CELSR1: variants seen among roughly 807,000 people sequenced by gnomAD.
CELSR1 encodes cadherin EGF LAG seven-pass G-type receptor 1.
In CELSR1, 110 loss-of-function variants were observed where a neutral mutation model predicts 249.1. The observed-to-expected ratio is 0.44, with a 90% CI of 0.38 to 0.52. CELSR1 has a LOEUF of 0.52. Ranked by LOEUF, CELSR1 falls within the 20% of genes least tolerant of loss-of-function variation. The pLI is 0.00. For synonymous variants in CELSR1, 2,113 were observed against 1,900.0 expected (o/e 1.11, Z -2.92); for missense variants, 4,109 against 4,296.4 (o/e 0.96, Z 1.22).
chr22:46,410,624 G>A lies in CELSR1; in HGVS notation c.4770-63C>T, dbSNP rs1304813770. 5 of 1,564,680 alleles carry A rather than the reference G, an allele frequency of 3.2e-6. No individual in the cohort carries two copies. Among genetic ancestry groups the A allele is most frequent in the Non-Finnish European group, 4.4e-6 (5 of 1,141,656 alleles). Reference sequence around the variant, plus strand: ...GGGAGAGGCGGCCACGGCGGGCTGGGCTCCGCAGTTGCCTCTGTGTAGCCT... The same window carrying A: ...GGGAGAGGCGGCCACGGCGGGCTGGACTCCGCAGTTGCCTCTGTGTAGCCT... On this transcript the variant is annotated intron_variant, in intron 6 of 34. Transcript: ENST00000674500. The surrounding 1 kb of genome is among the most constrained non-coding windows in gnomAD (Gnocchi z 6.8).
chr22:46,368,995 T>TCCTCCAGCCCCCTCCCCTCAGCCAACCC, intron 27 of CELSR1, 184 bp downstream of exon 27: 1 of 383,894 alleles, frequency 2.6e-6, no homozygotes, highest in South Asian at 2.7e-5. Context: ...TCAGCTAACC[T>TCCTCCAGCCCCCTCCCCTCAGCCAACCC]CCCCCAGCCC....
chr22:46,456,351 A>G (rs1341482375), intron 2 of CELSR1, among the ~76,000 whole-genome samples: 1 of 152,222 alleles, frequency 6.6e-6, no homozygotes, highest in Non-Finnish European at 1.5e-5. Flanking sequence ...TGGAAAGCCC[A>G]TGACTCTGAT....
Position 46,440,664 on chromosome 22 carries a change from G to A in CELSR1, c.4184-1253C>T, listed in dbSNP as rs2079734683. ...AGTTTGTCTTTCTGCTGGGTTTTTG[G>A]TCCTGCTCTTATTGTGTTATAGAAG... On this transcript the variant is annotated intron_variant, in intron 2 of 34. Coordinates refer to ENST00000674500, the MANE Select transcript of CELSR1 (RefSeq NM_001378328.1). The surrounding 1 kb of genome is among the most constrained non-coding windows in gnomAD (Gnocchi z 4.7). 6.6e-6 allele frequency among the ~76,000 whole-genome samples: 1 copy of A among 152,046 alleles called. No homozygotes were observed. The highest frequency in any genetic ancestry group is 2.1e-4 in the South Asian group (1 of 4,816).
At chr22:46,400,147 TG>T (rs1569136132) in intron 9 of CELSR1, among the ~76,000 whole-genome samples, 1 of 151,740 alleles carries the variant, frequency 6.6e-6, no homozygotes, top group Admixed American at 6.6e-5. Flanking sequence ...CTGGCCAACA[TG>T]GTGAAACCCC....
In CELSR1 at chr22:46,391,427, C is replaced by G. The variant is rs1294139866; in HGVS notation, c.6149-140G>C. The G allele has an allele frequency of 4.4e-6, 4 of 905,486 alleles. No individual in the cohort carries two copies. The highest frequency in any genetic ancestry group is 6.6e-6 in the Non-Finnish European group (4 of 608,120). The allele number at this position is 905,486 out of a possible 1,614,324, so 56.1% of individuals were successfully genotyped here. On this transcript the variant is annotated intron_variant, in intron 15 of 34. Transcript: ENST00000674500. The surrounding 1 kb of genome is among the most constrained non-coding windows in gnomAD (Gnocchi z 4.3). Reference sequence around the variant, plus strand: ...CGAACCCTAGCATCTCCCCTGCCCCCATCCATGTCAGAGCTGGAGAGGGGT... The same window carrying G: ...CGAACCCTAGCATCTCCCCTGCCCCGATCCATGTCAGAGCTGGAGAGGGGT...
rs958757734 is a variant in CELSR1, at chr22:46,512,868, A to C, written c.3544+20759T>G. ...CCTTCCGGGTCCGGGCTTGTCCCCC[A>C]CAGCACCTGGCTGTCCTCTGCTCCT... On this transcript the variant is annotated intron_variant, in intron 1 of 34. Coordinates refer to ENST00000674500, the MANE Select transcript of CELSR1 (RefSeq NM_001378328.1). This position sits in a 1 kb window ranked among gnomAD's most constrained non-coding sequence, Gnocchi z 5.2. Among the ~76,000 whole-genome samples, 1 of 152,112 alleles carries C rather than the reference A, an allele frequency of 6.6e-6. No homozygotes were observed. The highest frequency in any genetic ancestry group is 1.5e-5 in the Non-Finnish European group (1 of 68,008).
At position 46,399,438 on chromosome 22, in the gene CELSR1, A is replaced by G. The variant is rs948534378; in HGVS notation, c.5412+279T>C. Among the ~76,000 whole-genome samples, 3 of 152,220 alleles carry G rather than the reference A, an allele frequency of 2.0e-5. No homozygotes were observed. Among genetic ancestry groups the G allele is most frequent in the African/African-American group, 7.2e-5 (3 of 41,450 alleles). On this transcript the variant is annotated intron_variant, in intron 10 of 34. Coordinates refer to ENST00000674500, the MANE Select transcript of CELSR1 (RefSeq NM_001378328.1). This position sits in a 1 kb window ranked among gnomAD's most constrained non-coding sequence, Gnocchi z 5.0. Reference sequence around the variant, plus strand: ...TTGCTCAAGATGGCTTTGCTAAAAGAAACCACTGCTGAAGGCACCAACAGC... The same window carrying G: ...TTGCTCAAGATGGCTTTGCTAAAAGGAACCACTGCTGAAGGCACCAACAGC...
At chr22:46,458,427 C>T (rs918728487) in intron 2 of CELSR1, among the ~76,000 whole-genome samples, 1 of 152,160 alleles carries the variant, frequency 6.6e-6, no homozygotes, top group African/African-American at 2.4e-5. Context: ...GAAGGCCCCA[C>T]CAAGGTGATA....
In CELSR1 at chr22:46,399,953, G is replaced by C. The variant is rs368446396; in HGVS notation, c.5227-51C>G. ...TGATTGGTACAATGACAATGAAAGAGAAAACATTTTGCAGTCACTTAAACA... is the reference window on the plus strand; with the variant it reads ...TGATTGGTACAATGACAATGAAAGACAAAACATTTTGCAGTCACTTAAACA... On this transcript the variant is annotated intron_variant, in intron 9 of 34. Coordinates refer to ENST00000674500, the MANE Select transcript of CELSR1 (RefSeq NM_001378328.1). This position sits in a 1 kb window ranked among gnomAD's most constrained non-coding sequence, Gnocchi z 5.0. 17 of 1,573,958 alleles carry C rather than the reference G, an allele frequency of 1.1e-5. No individual in the cohort carries two copies. The highest frequency in any genetic ancestry group is 2.7e-5 in the African/African-American group (2 of 73,964).
At chr22:46,392,148 C>T (rs895718554) in intron 14 of CELSR1, among the ~76,000 whole-genome samples, 1 of 152,236 alleles carries the variant, frequency 6.6e-6, no homozygotes, top group African/African-American at 2.4e-5. Context: ...AGCCCTTGGG[C>T]GTTTTTTTAA....
At position 46,390,362 on chromosome 22, in the gene CELSR1, G is replaced by A; in HGVS notation, c.6345+30C>T. 6.4e-7 allele frequency: 1 copy of A among 1,560,756 alleles called. No homozygotes were observed. Among genetic ancestry groups the A allele is most frequent in the Non-Finnish European group, 8.8e-7 (1 of 1,137,696 alleles). On this transcript the variant is annotated intron_variant, in intron 17 of 34. Coordinates refer to ENST00000674500, the MANE Select transcript of CELSR1 (RefSeq NM_001378328.1). This position sits in a 1 kb window ranked among gnomAD's most constrained non-coding sequence, Gnocchi z 6.3. ...CATACACGAACACACACGTGCCCCT[G>A]CTGAACACACATCCCCGAGGCGCCC...
intron 1 of CELSR1, among the ~76,000 whole-genome samples, chr22:46,508,609 C>T (rs1339378538): frequency 3.9e-5 from 6 of 152,124 alleles, no homozygotes; most frequent in Admixed American, 2.0e-4. Context: ...ACCCCCTCAC[C>T]GCCTGGGGCG....
rs765545682 is a variant in CELSR1 at position 46,398,533 on chromosome 22, G to A, written c.5517C>T (p.Gly1839=). The change falls in exon 11 of 35, where the codon GGC becomes GGT. Residue 1839 remains glycine (G), a synonymous_variant. Coordinates refer to ENST00000674500, the MANE Select transcript of CELSR1 (RefSeq NM_001378328.1). This position sits in a 1 kb window ranked among gnomAD's most constrained non-coding sequence, Gnocchi z 7.2. ...DKVSVRRGFR[G]CMQGVRMGGT... The stretch of plus-strand genomic sequence containing the variant: ...CACAACCCCCACGCACCTGCATGCA[G>A]CCTCGGAATCCACGGCGCACGGAGA... 2 of 1,605,614 alleles carry A rather than the reference G, an allele frequency of 1.2e-6. No homozygotes were observed. Among genetic ancestry groups the A allele is most frequent in the African/African-American group, 1.3e-5 (1 of 74,750 alleles).
chr22:46,380,677 C>G lies in CELSR1; in HGVS notation c.7256+111G>C, dbSNP rs1170552410. 3.1e-6 allele frequency: 4 copies of G among 1,291,994 alleles called. No homozygotes were observed. The African/African-American group carries it at 5.9e-5, about 19-fold the overall frequency. 80.0% of individuals were successfully genotyped at this position (1,291,994 alleles called of 1,614,324 possible). On this transcript the variant is annotated intron_variant, in intron 22 of 34. Transcript: ENST00000674500. The surrounding 1 kb of genome is among the most constrained non-coding windows in gnomAD (Gnocchi z 5.1). ...CCACGGGGGACTTAAAGGGGAAACA[C>G]AGACCACAAGAGACCGTCCTCTTGG... is the stretch of plus-strand genomic sequence containing the variant.
chr22:46,391,657 C>T lies in CELSR1; in HGVS notation c.6124G>A (p.Glu2042Lys), dbSNP rs367723142. Residue 2042 changes from glutamate to lysine, a missense_variant, in exon 15 of 35, where the codon GAG becomes AAG. Glu to Lys is a moderately conservative substitution (Grantham distance 56). Coordinates refer to ENST00000674500, the MANE Select transcript of CELSR1 (RefSeq NM_001378328.1). The surrounding 1 kb of genome is among the most constrained non-coding windows in gnomAD (Gnocchi z 4.3). ...CCTTCACAGCCGAGCGTGGTGACCT[C>T]GGCAAACGGGTTGTCGCAGCGGTTG... ...QCNRCDNPFAEVTTLGCEVIY... is the reference protein window; with the variant it reads ...QCNRCDNPFAKVTTLGCEVIY... The T allele has an allele frequency of 3.4e-5, 54 of 1,605,650 alleles. No individual in the cohort carries two copies. Among genetic ancestry groups the T allele is most frequent in the South Asian group, 6.6e-5 (6 of 90,404 alleles).
In CELSR1 at chr22:46,408,081, G is replaced by C. The variant is rs9627448; in HGVS notation, c.5226+915C>G. On this transcript the variant is annotated intron_variant, in intron 9 of 34. Coordinates refer to ENST00000674500, the MANE Select transcript of CELSR1 (RefSeq NM_001378328.1). This position sits in a 1 kb window ranked among gnomAD's most constrained non-coding sequence, Gnocchi z 4.6. Reference sequence around the variant, plus strand: ...CTGTTTCTCAAACAAAGTGTCTACGGAGCATGGAAGATGCGAGCAGAAACC... The same window carrying C: ...CTGTTTCTCAAACAAAGTGTCTACGCAGCATGGAAGATGCGAGCAGAAACC... Among the ~76,000 whole-genome samples, 10,022 of 152,298 alleles carry C rather than the reference G, an allele frequency of 0.066. 1,046 individuals are homozygous for C. The highest frequency in any genetic ancestry group is 0.22 in the African/African-American group (9,305 of 41,538).
In CELSR1 at chr22:46,410,030, C is replaced by T; in HGVS notation, c.4934-150G>A. On this transcript the variant is annotated intron_variant, in intron 7 of 34. Transcript: ENST00000674500. This position sits in a 1 kb window ranked among gnomAD's most constrained non-coding sequence, Gnocchi z 6.8. ...TGAACGCCCCTGGCAACGGCAGGAA[C>T]ATGGGAACTAAGAAGGTGCTGAACG... The T allele has an allele frequency of 1.0e-6, 1 of 991,710 alleles. No homozygotes were observed. Among genetic ancestry groups the T allele is most frequent in the Non-Finnish European group, 1.5e-6 (1 of 677,094 alleles). 61.4% of individuals were successfully genotyped at this position (991,710 alleles called of 1,614,324 possible). A position where few individuals can be genotyped will look rare whatever the true frequency, so the allele number is the denominator to read the frequency against.
In CELSR1 at chr22:46,417,522, C is replaced by T. The variant is rs2079417161; in HGVS notation, c.4612-5763G>A. 6.6e-6 allele frequency among the ~76,000 whole-genome samples: 1 copy of T among 152,168 alleles called. No individual in the cohort carries two copies. The highest frequency in any genetic ancestry group is 2.4e-5 in the African/African-American group (1 of 41,442). On this transcript the variant is annotated intron_variant, in intron 5 of 34. Transcript: ENST00000674500. This position sits in a 1 kb window ranked among gnomAD's most constrained non-coding sequence, Gnocchi z 4.1. ...TGGCTCGAAGGGTGCGGTATTCCCC[C>T]AGGGCTGTCAGCAGCAAACCGTCTG...
At chr22:46,383,413 A>C (rs982164261) in intron 20 of CELSR1, among the ~76,000 whole-genome samples, 1 of 152,240 alleles carries the variant, frequency 6.6e-6, no homozygotes, top group Non-Finnish European at 1.5e-5. Flanking sequence ...TTTGAATCAT[A>C]ATCTCAACCC....
Sources: allele counts gnomAD v4.1 joint callset (sites outside exome capture counted in the v4.1 genomes callset), GRCh38; gene constraint gnomAD v4.1.1; non-coding constraint Gnocchi (gnomAD v3.1); transcripts MANE v1.5; gene names NCBI Gene and HGNC (gene_info 2026-07-23, HGNC 2026-07-21).